NEBL: variants seen among roughly 807,000 people sequenced by gnomAD.
The protein encoded by NEBL is LIM and SH3 protein 2.
In NEBL, 122 loss-of-function variants were observed where a neutral mutation model predicts 140.2. The ratio of observed to expected loss-of-function variants is 0.87; its 90% CI spans 0.75 to 1.01. The LOEUF (loss-of-function observed/expected upper bound fraction) is 1.01, where lower values mean the gene tolerates loss of function less well. NEBL is among the 50% of genes least tolerant of loss of function. The pLI, the probability that NEBL is intolerant of heterozygous loss-of-function variation, is 0.00. For synonymous variants in NEBL, 436 were observed against 398.9 expected (o/e 1.09, Z -1.11); for missense variants, 1,365 against 1,231.3 (o/e 1.11, Z -1.62).
At chr10:21,005,651 T>C (rs1157214152) in intron 3 of NEBL, among the ~76,000 whole-genome samples, 1 of 152,106 alleles carries the variant, frequency 6.6e-6, no homozygotes, top group Non-Finnish European at 1.5e-5. Context: ...GGAGGACCAC[T>C]TGAGCCCAGG....
At chr10:21,154,997 G>A (rs948489003) in intron 2 of NEBL, among the ~76,000 whole-genome samples, 4 of 152,040 alleles carry the variant, frequency 2.6e-5, no homozygotes, top group Non-Finnish European at 5.9e-5. Flanking sequence ...TCAGGAGTTC[G>A]AGACCAGCCT....
chr10:20,914,306 G>T (rs778599210), intron 4 of NEBL, among the ~76,000 whole-genome samples: 39 of 152,124 alleles, frequency 2.6e-4, no homozygotes, highest in Non-Finnish European at 1.3e-4. Flanking sequence ...GAAAAGCAGA[G>T]AACAAGAGCC....
rs940072854 is a variant in NEBL at position 21,060,066 on chromosome 10, G to A, written c.165-39865C>T. 2.6e-5 allele frequency among the ~76,000 whole-genome samples: 4 copies of A among 152,154 alleles called. No individual in the cohort carries two copies. In the East Asian group the frequency reaches 7.7e-4, roughly 29 times the overall value. On this transcript the variant is annotated intron_variant, in intron 2 of 6. Coordinates refer to the NEBL transcript ENST00000417816. ...GTCCCTGTGACACTCTCTTCACTAT[G>A]CTAGGGTTTAATGCCCGGTCATCTA...
intron 21 of NEBL, among the ~76,000 whole-genome samples, chr10:20,816,653 T>C (rs1272556002): frequency 1.3e-5 from 2 of 152,338 alleles, no homozygotes; most frequent in East Asian, 1.9e-4. Context: ...TTGAACGTAA[T>C]AGATTTCCAA....
chr10:21,148,709 A>G (rs1385832431), intron 2 of NEBL, among the ~76,000 whole-genome samples: 1 of 151,860 alleles, frequency 6.6e-6, no homozygotes, highest in Non-Finnish European at 1.5e-5. Flanking sequence ...TATTCGTAGT[A>G]GAGACAGGGT....
intron 4 of NEBL, among the ~76,000 whole-genome samples, chr10:20,924,413 T>TAAAAAAAAAAAAA (rs71390800): frequency 8.5e-5 from 5 of 59,060 alleles, no homozygotes; most frequent in Non-Finnish European, 1.2e-4. Flanking sequence ...AGGCATGAAG[T>TAAAAAAAAAAAAA]AAAAAAAAAA....
At chr10:21,029,772 G>A (rs1299370400) in intron 2 of NEBL, 13 of 768,184 alleles carry the variant, frequency 1.7e-5, no homozygotes, top group East Asian at 9.9e-5. Context: ...GGTAGGGATC[G>A]CTATGATGAC....
chr10:20,919,937 G>A (rs575778730), intron 4 of NEBL, among the ~76,000 whole-genome samples: 1 of 150,556 alleles, frequency 6.6e-6, no homozygotes, highest in Non-Finnish European at 1.5e-5. Context: ...AGGGCTAAGA[G>A]TCCTAATATA....
At chr10:21,202,220 T>G (rs1316473032) in intron 3 of NEBL, among the ~76,000 whole-genome samples, 1 of 152,148 alleles carries the variant, frequency 6.6e-6, no homozygotes, top group East Asian at 1.9e-4. Flanking sequence ...GCACTTTTTA[T>G]AGATGATAGG....
intron 4 of NEBL, among the ~76,000 whole-genome samples, chr10:20,912,058 C>T (rs555376120): frequency 1.2e-4 from 18 of 152,166 alleles, no homozygotes; most frequent in Non-Finnish European, 2.4e-4. Context: ...CTCCCTCTTA[C>T]GGTTATAATA....
chr10:21,057,741 T>C (rs541829074), intron 2 of NEBL, among the ~76,000 whole-genome samples: 1 of 151,688 alleles, frequency 6.6e-6, no homozygotes, highest in Admixed American at 6.6e-5. Context: ...GTATATTTTT[T>C]ATAGAGACAG....
chr10:21,002,164 G>GT lies in NEBL; in HGVS notation c.249+17952dup, dbSNP rs199822950. ...ATCCTTGATGTGGGAAGGAGGGAGG[G>GT]TTTTTTTTTTTATGGTGATGAAACA... On this transcript the variant is annotated intron_variant, in intron 3 of 6. Transcript: ENST00000417816. 4.7e-3 allele frequency among the ~76,000 whole-genome samples: 680 copies of GT among 144,324 alleles called. 6 individuals are homozygous for GT. The highest frequency in any genetic ancestry group is 0.034 in the East Asian group (171 of 4,994). The allele number at this position is 144,324 out of a possible 152,430, so 94.7% of individuals were successfully genotyped here. A position where few individuals can be genotyped will look rare whatever the true frequency, so the allele number is the denominator to read the frequency against.
chr10:20,890,278 C>T (rs1016671168), intron 2 of NEBL, among the ~76,000 whole-genome samples: 1 of 152,190 alleles, frequency 6.6e-6, no homozygotes, highest in African/African-American at 2.4e-5. Flanking sequence ...CTACAAGTGT[C>T]CTGGTGTTTT....
In NEBL at chr10:21,126,187, A is replaced by G. The variant is rs542295618; in HGVS notation, c.164+46196T>C. Reference sequence around the variant, plus strand: ...GTACCCCCCATAGAAAGGAAAAAAAATACCACATTTGGAATAATAACAACT... The same window carrying G: ...GTACCCCCCATAGAAAGGAAAAAAAGTACCACATTTGGAATAATAACAACT... On this transcript the variant is annotated intron_variant, in intron 2 of 6. Coordinates refer to the NEBL transcript ENST00000417816. 4 of 1,495,942 alleles carry G rather than the reference A, an allele frequency of 2.7e-6. No individual in the cohort carries two copies. In the East Asian group the frequency reaches 9.2e-5, roughly 34 times the overall value. 92.7% of individuals were successfully genotyped at this position (1,495,942 alleles called of 1,614,324 possible).
intron 4 of NEBL, among the ~76,000 whole-genome samples, chr10:20,946,355 T>G (rs1334647776): frequency 6.6e-6 from 1 of 152,218 alleles, no homozygotes; most frequent in Non-Finnish European, 1.5e-5. Flanking sequence ...GTTAGCAGGA[T>G]GAAGCTGAGT....
chr10:20,970,570 G>C (rs547263335), intron 3 of NEBL, among the ~76,000 whole-genome samples: 3 of 152,114 alleles, frequency 2.0e-5, no homozygotes, highest in African/African-American at 7.2e-5. Flanking sequence ...GATTGCTTGA[G>C]CCTGTGAGGT....
rs148143056 is a variant in NEBL, at chr10:20,905,747, G to T, written c.357+55925C>A. On this transcript the variant is annotated intron_variant, in intron 4 of 6. Transcript: ENST00000417816. Reference sequence around the variant, plus strand: ...GAGACAAGAGTTGAAAGAACCAAAAGTTCTATGTCACTGGAGCAATACAAT... The same window carrying T: ...GAGACAAGAGTTGAAAGAACCAAAATTTCTATGTCACTGGAGCAATACAAT... 4.0e-4 allele frequency among the ~76,000 whole-genome samples: 61 copies of T among 152,252 alleles called. No homozygotes were observed. The East Asian group carries it at 0.011, about 28-fold the overall frequency.
At chr10:20,921,569 G>T (rs1404451365) in intron 4 of NEBL, among the ~76,000 whole-genome samples, 2 of 152,054 alleles carry the variant, frequency 1.3e-5, no homozygotes, top group African/African-American at 2.4e-5. Flanking sequence ...GTTCTCCATG[G>T]GCTTCAGCCC....
chr10:20,851,610 C>A (rs1045832810), intron 10 of NEBL, among the ~76,000 whole-genome samples: 14 of 143,680 alleles, frequency 9.7e-5, no homozygotes, highest in African/African-American at 3.1e-4. Context: ...CCCGTCTTTA[C>A]TAAAAATACA....
Sources: gnomAD v4.1 joint callset for allele counts (sites outside exome capture counted in the v4.1 genomes callset) on GRCh38, gnomAD v4.1.1 for gene constraint, MANE v1.5 for transcripts, NCBI Gene and HGNC (gene_info 2026-07-23, HGNC 2026-07-21) for gene names.